Variants in PCDH9 observed in about 807,000 individuals in gnomAD.
PCDH9 encodes the protein protocadherin 9.
PCDH9 carries 24 observed loss-of-function variants against 70.6 expected under a neutral mutation model. The ratio of observed to expected loss-of-function variants is 0.34; its 90% CI spans 0.25 to 0.48. The LOEUF (loss-of-function observed/expected upper bound fraction) is 0.48. Among genes scored for constraint, PCDH9 ranks in the 20% least tolerant of loss-of-function variants. The pLI, the probability that PCDH9 is intolerant of heterozygous loss-of-function variation, is 0.99. For synonymous variants in PCDH9, 562 were observed against 558.5 expected (o/e 1.01, Z -0.09); for missense variants, 1,281 against 1,503.6 (o/e 0.85, Z 2.45).
At chr13:66,416,673 G>T (rs983984978) in intron 4 of PCDH9, among the ~76,000 whole-genome samples, 3 of 152,026 alleles carry the variant, frequency 2.0e-5, no homozygotes, top group African/African-American at 7.2e-5. Flanking sequence ...GTCCAACAGC[G>T]ACTTGACCTG....
intron 3 of PCDH9, among the ~76,000 whole-genome samples, chr13:66,682,166 GT>G (rs2078331629): frequency 1.3e-5 from 2 of 151,454 alleles, no homozygotes; most frequent in South Asian, 4.2e-4. Context: ...TTTAGAGATT[GT>G]TTTTCCCCAA....
chr13:66,871,371 T>C (rs2081681018), intron 3 of PCDH9, among the ~76,000 whole-genome samples: 1 of 151,140 alleles, frequency 6.6e-6, no homozygotes, highest in Admixed American at 6.6e-5. Flanking sequence ...ACATGTACCC[T>C]AAAACTTAAA....
intron 4 of PCDH9, among the ~76,000 whole-genome samples, chr13:66,504,486 C>A (rs1959193621): frequency 6.6e-6 from 1 of 152,074 alleles, no homozygotes; most frequent in East Asian, 1.9e-4. Context: ...AGAGTAAGCC[C>A]AGGTAAGACT....
At chr13:66,462,150 C>T (rs1958436213) in intron 4 of PCDH9, among the ~76,000 whole-genome samples, 1 of 151,790 alleles carries the variant, frequency 6.6e-6, no homozygotes, top group Non-Finnish European at 1.5e-5. Flanking sequence ...GCTCCCCCAA[C>T]CCCTTTACCA....
chr13:66,494,786 G>A (rs1959087471), intron 4 of PCDH9, among the ~76,000 whole-genome samples: 1 of 152,142 alleles, frequency 6.6e-6, no homozygotes, highest in Non-Finnish European at 1.5e-5. Context: ...TTTTTAATGA[G>A]TTGGGCAGGG....
At chr13:66,587,793 TA>T (rs57304617) in intron 4 of PCDH9, among the ~76,000 whole-genome samples, 140,368 of 145,328 alleles carry the variant, frequency 0.97, 67,888 homozygotes, top group South Asian at 0.99. Context: ...GCAGGATTAT[TA>T]AAAAAAAAAA....
At chr13:66,358,549 A>C (rs1956421183) in intron 4 of PCDH9, among the ~76,000 whole-genome samples, 1 of 152,014 alleles carries the variant, frequency 6.6e-6, no homozygotes, top group Non-Finnish European at 1.5e-5. Flanking sequence ...ATCTACGGAA[A>C]ACTTTTTTTT....
intron 4 of PCDH9, among the ~76,000 whole-genome samples, chr13:66,573,643 T>C (rs1460416541): frequency 2.0e-5 from 3 of 152,198 alleles, no homozygotes; most frequent in African/African-American, 7.2e-5. Flanking sequence ...TTTGCAATGT[T>C]TGATAAACTA....
intron 3 of PCDH9, among the ~76,000 whole-genome samples, chr13:66,645,285 G>C (rs1165739402): frequency 6.6e-6 from 1 of 151,984 alleles, no homozygotes; most frequent in Non-Finnish European, 1.5e-5. Context: ...CATCACCCAT[G>C]CATATAATCT....
intron 3 of PCDH9, among the ~76,000 whole-genome samples, chr13:66,827,360 C>A (rs922847885): frequency 9.7e-3 from 1,165 of 119,708 alleles, no homozygotes; most frequent in Middle Eastern, 0.017. Context: ...AGGAAAATGG[C>A]AAAAAAAAAA....
intron 4 of PCDH9, among the ~76,000 whole-genome samples, chr13:66,546,231 TAGA>T (rs1474220331): frequency 6.6e-6 from 1 of 151,400 alleles, no homozygotes; most frequent in Non-Finnish European, 1.5e-5. Context: ...GAAAGCAGTC[TAGA>T]AGAAGGCATT....
At chr13:67,122,083 C>T (rs912315513) in intron 2 of PCDH9, among the ~76,000 whole-genome samples, 3 of 152,194 alleles carry the variant, frequency 2.0e-5, no homozygotes, top group African/African-American at 7.2e-5. Context: ...ACAGATGTGA[C>T]AATTCCAGCT....
chr13:66,615,768 G>GT (rs2077348107), intron 4 of PCDH9, among the ~76,000 whole-genome samples: 1 of 152,322 alleles, frequency 6.6e-6, no homozygotes, highest in East Asian at 1.9e-4. Context: ...GTTGTTCAGA[G>GT]TCAAGGAAAC....
chr13:67,135,850 A>C (rs1469610673), intron 2 of PCDH9, among the ~76,000 whole-genome samples: 1 of 152,048 alleles, frequency 6.6e-6, no homozygotes, highest in African/African-American at 2.4e-5. Context: ...CAGTGGGAGA[A>C]TTAGAGACCT....
intron 3 of PCDH9, among the ~76,000 whole-genome samples, chr13:66,771,971 T>C (rs1161567381): frequency 6.6e-6 from 1 of 152,220 alleles, no homozygotes; most frequent in Non-Finnish European, 1.5e-5. Flanking sequence ...TCAAACGTAA[T>C]ACATTTCTTT....
At chr13:67,063,615 G>T (rs915289056) in intron 2 of PCDH9, among the ~76,000 whole-genome samples, 5 of 151,820 alleles carry the variant, frequency 3.3e-5, no homozygotes, top group Non-Finnish European at 5.9e-5. Context: ...TGCCAATGAG[G>T]TCTCACATGC....
At chr13:67,173,187 G>A (rs2088345572) in intron 2 of PCDH9, among the ~76,000 whole-genome samples, 1 of 152,098 alleles carries the variant, frequency 6.6e-6, no homozygotes, top group African/African-American at 2.4e-5. Context: ...TAAAGCAAGA[G>A]GAGGGAGGAT....
chr13:66,889,581 T>C (rs1029627279), intron 3 of PCDH9, among the ~76,000 whole-genome samples: 1 of 152,110 alleles, frequency 6.6e-6, no homozygotes, highest in African/African-American at 2.4e-5. Flanking sequence ...AAGCATACTG[T>C]CCCCTGGAGA....
At chr13:66,531,682 G>A (rs17081462) in intron 4 of PCDH9, among the ~76,000 whole-genome samples, 35,937 of 151,958 alleles carry the variant, frequency 0.24, 4,723 homozygotes, top group South Asian at 0.34. Flanking sequence ...TACTTAAAAT[G>A]CAAGAGGGCT....
Sources: allele counts gnomAD v4.1 joint callset (sites outside exome capture counted in the v4.1 genomes callset), GRCh38; gene constraint gnomAD v4.1.1; transcripts MANE v1.5; gene names NCBI Gene and HGNC (gene_info 2026-07-23, HGNC 2026-07-21).